The following FBXO8 variants were observed in gnomAD, a reference collection of about 807,000 sequenced individuals.
FBXO8 encodes F-box protein 8, also known as F-box only protein 8.
In FBXO8, 15 loss-of-function variants were observed where a neutral mutation model predicts 33.4. The ratio of observed to expected loss-of-function variants is 0.45; its 90% CI spans 0.30 to 0.69. The LOEUF is 0.69. Ranked by LOEUF, FBXO8 falls within the 30% of genes least tolerant of loss-of-function variation. The probability of loss-of-function intolerance (pLI) is 0.08; values close to 1 mark genes in which losing one functional copy is unlikely to be tolerated. For synonymous variants in FBXO8, 132 were observed against 131.5 expected (o/e 1.00, Z -0.02); for missense variants, 274 against 380.3 (o/e 0.72, Z 2.32).
chr4:174,275,316 C>T lies in FBXO8; in HGVS notation c.-9+8094G>A, dbSNP rs1013352561. On this transcript the variant is annotated intron_variant, in intron 1 of 5. Coordinates refer to ENST00000393674, the MANE Select transcript of FBXO8 (RefSeq NM_012180.3). This position sits in a 1 kb window ranked among gnomAD's most constrained non-coding sequence, Gnocchi z 4.4. ...ATGGTGCTGGATATGTGAACTTGCA[C>T]AGAACTTCATACACACACATATGTA... 1.3e-4 allele frequency among the ~76,000 whole-genome samples: 20 copies of T among 152,016 alleles called. No homozygotes were observed. Among genetic ancestry groups the T allele is most frequent in the African/African-American group, 3.6e-4 (15 of 41,382 alleles).
In FBXO8 at chr4:174,240,174, G is replaced by T. The variant is rs967135425; in HGVS notation, c.575+926C>A. On this transcript the variant is annotated intron_variant, in intron 4 of 5. Coordinates refer to ENST00000393674, the MANE Select transcript of FBXO8 (RefSeq NM_012180.3). ...AAAGAAGAAAGAAAGAAAAAGAAAA[G>T]AAAGAAAAAAACCCCTGCCTATCCC... Among the ~76,000 whole-genome samples the T allele has an allele frequency of 3.5e-4, 51 of 144,580 alleles. 1 individual carries two copies. The highest frequency in any genetic ancestry group is 1.2e-3 in the African/African-American group (49 of 39,604). 94.9% of individuals were successfully genotyped at this position (144,580 alleles called of 152,430 possible).
intron 1 of FBXO8, among the ~76,000 whole-genome samples, chr4:174,282,579 A>G (rs1478991962): frequency 6.6e-6 from 1 of 152,188 alleles, no homozygotes; most frequent in East Asian, 1.9e-4. Context: ...AGAGTTGAGA[A>G]GTGTGTAGAG....
At chr4:174,269,923 T>C (rs1736798259) in intron 1 of FBXO8, among the ~76,000 whole-genome samples, 2 of 152,222 alleles carry the variant, frequency 1.3e-5, no homozygotes, top group African/African-American at 4.8e-5. Context: ...TATAACCATT[T>C]TAATACAGCA....
rs192761752 is a variant in FBXO8 at position 174,237,725 on chromosome 4, C to T, written c.773-126G>A. Reference sequence around the variant, plus strand: ...AGATTAGCTCATAAATACAGAGTGACCAATCCATCCCAGTTTGTCTAGACT... The same window carrying T: ...AGATTAGCTCATAAATACAGAGTGATCAATCCATCCCAGTTTGTCTAGACT... On this transcript the variant is annotated intron_variant, in intron 5 of 5. Transcript: ENST00000393674. The surrounding 1 kb of genome is among the most constrained non-coding windows in gnomAD (Gnocchi z 4.4). The T allele has an allele frequency of 9.5e-4, 690 of 729,702 alleles. 4 individuals are homozygous for T. In the African/African-American group the frequency reaches 0.011, roughly 12 times the overall value. The allele number at this position is 729,702 out of a possible 1,614,324, so 45.2% of individuals were successfully genotyped here.
At chr4:174,264,880 A>C (rs1328237464) in intron 1 of FBXO8, among the ~76,000 whole-genome samples, 1 of 152,120 alleles carries the variant, frequency 6.6e-6, no homozygotes, top group Non-Finnish European at 1.5e-5. Flanking sequence ...TATATGATAA[A>C]AAGACTGTGC....
rs180760911 is a variant in FBXO8, at chr4:174,265,882, C to G, written c.-8-2782G>C. Among the ~76,000 whole-genome samples the G allele has an allele frequency of 9.9e-3, 1,511 of 152,222 alleles. 8 individuals are homozygous for G. Among genetic ancestry groups the G allele is most frequent in the Middle Eastern group, 0.017 (5 of 294 alleles). On this transcript the variant is annotated intron_variant, in intron 1 of 5. Coordinates refer to ENST00000393674, the MANE Select transcript of FBXO8 (RefSeq NM_012180.3). This position sits in a 1 kb window ranked among gnomAD's most constrained non-coding sequence, Gnocchi z 4.7. ...TCTATTTAACTTAGCAAGAAAATATCTAGAAATCACATTAATTGCTGAGCT... is the reference window on the plus strand; with the variant it reads ...TCTATTTAACTTAGCAAGAAAATATGTAGAAATCACATTAATTGCTGAGCT...
chr4:174,253,737 T>C lies in FBXO8; in HGVS notation c.456+5962A>G, dbSNP rs571405381. 5.9e-5 allele frequency among the ~76,000 whole-genome samples: 9 copies of C among 152,330 alleles called. No individual in the cohort carries two copies. The South Asian group carries it at 1.7e-3, about 28-fold the overall frequency. On this transcript the variant is annotated intron_variant, in intron 3 of 5. Transcript: ENST00000393674. The surrounding 1 kb of genome is among the most constrained non-coding windows in gnomAD (Gnocchi z 4.5). ...CGCTAGTGCTCTAGGGGTGCTCGTG[T>C]GATTCAATTATGTTCTATAAGAAAT...
At position 174,263,811 on chromosome 4, in the gene FBXO8, T is replaced by C. The variant is rs1736627187; in HGVS notation, c.-8-711A>G. Among the ~76,000 whole-genome samples, 1 of 152,164 alleles carries C rather than the reference T, an allele frequency of 6.6e-6. No homozygotes were observed. The highest frequency in any genetic ancestry group is 1.5e-5 in the Non-Finnish European group (1 of 68,022). On this transcript the variant is annotated intron_variant, in intron 1 of 5. Transcript: ENST00000393674. The surrounding 1 kb of genome is among the most constrained non-coding windows in gnomAD (Gnocchi z 4.2). ...CAAATCCCTATGGATTCTTCAGAAG[T>C]ACCTGGGAAAAGACACCAGAAGAAA...
chr4:174,257,520 G>A lies in FBXO8; in HGVS notation c.456+2179C>T, dbSNP rs1234883109. Among the ~76,000 whole-genome samples, 1 of 151,940 alleles carries A rather than the reference G, an allele frequency of 6.6e-6. No individual in the cohort carries two copies. The highest frequency in any genetic ancestry group is 1.5e-5 in the Non-Finnish European group (1 of 67,994). ...GGAGCCAGCATGCCTTGATTAAATGGGCATAATAAGACTGGGGCTTAAAAC... is the reference window on the plus strand; with the variant it reads ...GGAGCCAGCATGCCTTGATTAAATGAGCATAATAAGACTGGGGCTTAAAAC... On this transcript the variant is annotated intron_variant, in intron 3 of 5. Coordinates refer to ENST00000393674, the MANE Select transcript of FBXO8 (RefSeq NM_012180.3). This position sits in a 1 kb window ranked among gnomAD's most constrained non-coding sequence, Gnocchi z 4.3.
At chr4:174,279,400 T>A (rs999435187) in intron 1 of FBXO8, among the ~76,000 whole-genome samples, 1 of 152,026 alleles carries the variant, frequency 6.6e-6, no homozygotes, top group African/African-American at 2.4e-5. Flanking sequence ...TGGTTACAGA[T>A]TGGAAGACTT....
chr4:174,269,300 T>C (rs967652515), intron 1 of FBXO8: 3 of 151,002 alleles, frequency 2.0e-5, no homozygotes, highest in African/African-American at 7.3e-5. Flanking sequence ...TTGAAACTCT[T>C]CCTTTCCAAG....
At position 174,245,119 on chromosome 4, in the gene FBXO8, G is replaced by A. The variant is rs1177059822; in HGVS notation, c.457-3901C>T. Among the ~76,000 whole-genome samples, 4 of 151,880 alleles carry A rather than the reference G, an allele frequency of 2.6e-5. No homozygotes were observed. The highest frequency in any genetic ancestry group is 7.2e-5 in the African/African-American group (3 of 41,414). ...CAAGGTATTCAGTGATAGACACTGA[G>A]TAGTGTAACACAGAGTTTTGCCCTA... On this transcript the variant is annotated intron_variant, in intron 3 of 5. Transcript: ENST00000393674. The surrounding 1 kb of genome is among the most constrained non-coding windows in gnomAD (Gnocchi z 4.6).
Position 174,256,255 on chromosome 4 carries a change from T to C in FBXO8, c.456+3444A>G, listed in dbSNP as rs563245646. The C allele has an allele frequency of 7.7e-5, 31 of 401,304 alleles. No individual in the cohort carries two copies. In the East Asian group the frequency reaches 9.3e-4, roughly 12 times the overall value. The allele number at this position is 401,304 out of a possible 1,614,324, so 24.9% of individuals were successfully genotyped here. A position where few individuals can be genotyped will look rare whatever the true frequency, so the allele number is the denominator to read the frequency against. ...GACTTTTTACAATACTAAGCAATTA[T>C]ATACATCTTATCTCAGGTACTTGCA... On this transcript the variant is annotated intron_variant, in intron 3 of 5. Transcript: ENST00000393674. This position sits in a 1 kb window ranked among gnomAD's most constrained non-coding sequence, Gnocchi z 4.6.
rs1736297150 is a variant in FBXO8, at chr4:174,252,071, T to C, written c.456+7628A>G. ...GAAGCCTCAACTTCCTGGACTCAAG[T>C]GATCCTCCCACCTCAGCCCCCTAAG... On this transcript the variant is annotated intron_variant, in intron 3 of 5. Transcript: ENST00000393674. This position sits in a 1 kb window ranked among gnomAD's most constrained non-coding sequence, Gnocchi z 5.1. Among the ~76,000 whole-genome samples, 1 of 152,094 alleles carries C rather than the reference T, an allele frequency of 6.6e-6. No homozygotes were observed. Among genetic ancestry groups the C allele is most frequent in the Admixed American group, 6.6e-5 (1 of 15,260 alleles).
In FBXO8 at chr4:174,245,491, A is replaced by AATATTTTG. The variant is rs1369941631; in HGVS notation, c.457-4274_457-4273insCAAAATAT. Among the ~76,000 whole-genome samples the AATATTTTG allele has an allele frequency of 2.0e-5, 3 of 151,878 alleles. No homozygotes were observed. The highest frequency in any genetic ancestry group is 7.2e-5 in the African/African-American group (3 of 41,400). ...TAATTTTTAAAGACTATTTTTAGGAAGGCAGGGGAAATATTTTGGGTTGGA... is the reference window on the plus strand; with the variant it reads ...TAATTTTTAAAGACTATTTTTAGGAAATATTTTGGGCAGGGGAAATATTTTGGGTTGGA... On this transcript the variant is annotated intron_variant, in intron 3 of 5. Transcript: ENST00000393674. The surrounding 1 kb of genome is among the most constrained non-coding windows in gnomAD (Gnocchi z 4.6).
At chr4:174,276,534 C>T (rs1317759230) in intron 1 of FBXO8, among the ~76,000 whole-genome samples, 1 of 152,052 alleles carries the variant, frequency 6.6e-6, no homozygotes, top group African/African-American at 2.4e-5. Flanking sequence ...CTGTGACTGC[C>T]TGACAGAGCC....
intron 3 of FBXO8, among the ~76,000 whole-genome samples, chr4:174,243,185 T>G (rs1392900422): frequency 1.3e-5 from 2 of 151,454 alleles, no homozygotes; most frequent in African/African-American, 4.8e-5. Context: ...AAAAAACACA[T>G]TTTGAGAATT....
At position 174,277,088 on chromosome 4, in the gene FBXO8, C is replaced by T. The variant is rs1021864141; in HGVS notation, c.-9+6322G>A. On this transcript the variant is annotated intron_variant, in intron 1 of 5. Transcript: ENST00000393674. This position sits in a 1 kb window ranked among gnomAD's most constrained non-coding sequence, Gnocchi z 4.9. Reference sequence around the variant, plus strand: ...CAAGTCTGTTACAACAGCATAAAAGCGCTTCCACTTAAAAGCAGTACAAAC... The same window carrying T: ...CAAGTCTGTTACAACAGCATAAAAGTGCTTCCACTTAAAAGCAGTACAAAC... Among the ~76,000 whole-genome samples the T allele has an allele frequency of 1.2e-4, 18 of 152,004 alleles. No individual in the cohort carries two copies. Among genetic ancestry groups the T allele is most frequent in the African/African-American group, 2.7e-4 (11 of 41,398 alleles).
intron 3 of FBXO8, among the ~76,000 whole-genome samples, chr4:174,258,992 CTGTA>C (rs1468158185): frequency 4.6e-5 from 7 of 151,674 alleles, no homozygotes; most frequent in Non-Finnish European, 7.4e-5. Flanking sequence ...GTTCTGAGTG[CTGTA>C]TAATTTTCAC....
Sources: allele counts gnomAD v4.1 joint callset (sites outside exome capture counted in the v4.1 genomes callset), GRCh38; gene constraint gnomAD v4.1.1; non-coding constraint Gnocchi (gnomAD v3.1); transcripts MANE v1.5; gene names NCBI Gene and HGNC (gene_info 2026-07-23, HGNC 2026-07-21).